The following COMT variants were observed in gnomAD, a reference collection of about 807,000 sequenced individuals.
The protein encoded by COMT is catechol-O-methyltransferase.
Under a neutral mutation model 18.9 loss-of-function variants are expected in COMT, and 13 were observed. That is an observed-to-expected ratio of 0.69 (90% CI 0.45 to 1.09). The LOEUF (loss-of-function observed/expected upper bound fraction) is 1.09. Among genes scored for constraint, COMT ranks in the 50% least tolerant of loss-of-function variants. The probability of loss-of-function intolerance (pLI) is 0.00; values close to 1 mark genes in which losing one functional copy is unlikely to be tolerated. For missense variants in COMT, 329 were observed against 361.8 expected, an observed-to-expected ratio of 0.91 and a Z score of 0.73; for synonymous variants, 150 against 160.9, an observed-to-expected ratio of 0.93 and a Z score of 0.51.
chr22:19,959,866 G>T (rs9606196), intron 1 of COMT, among the ~76,000 whole-genome samples: 73 of 28,992 alleles, frequency 2.5e-3, no homozygotes, highest in Admixed American at 4.8e-3. Flanking sequence ...CACTTCCCCA[G>T]CCCCCATGGC....
In COMT at chr22:19,962,790, G is replaced by A. The variant is rs1221732999; in HGVS notation, c.264G>A (p.Trp88Ter). The part of the protein sequence containing the change: ...AIDTYCEQKE[W>*]AMNVGDKKGK... The stretch of plus-strand genomic sequence containing the variant: ...ACACCTACTGCGAGCAGAAGGAGTG[G>A]GCCATGAACGTGGGCGACAAGAAAG... Residue 88 changes from tryptophan to a stop codon, truncating the protein, a stop_gained, in exon 3 of 6, where the codon TGG becomes TGA. Transcript: ENST00000361682. LOFTEE classifies it high-confidence loss of function. 2 of 1,606,460 alleles carry A rather than the reference G, an allele frequency of 1.2e-6. No homozygotes were observed. The highest frequency in any genetic ancestry group is 2.2e-5 in the East Asian group (1 of 44,684).
chr22:19,965,433 T>G (rs1304474471), intron 5 of COMT: 2 of 152,184 alleles, frequency 1.3e-5, no homozygotes, highest in Non-Finnish European at 2.9e-5. Context: ...CCTCCACCTC[T>G]TGGGTTCAAG....
chr22:19,945,159 C>G (rs1192984832), intron 1 of COMT, among the ~76,000 whole-genome samples: 1 of 152,182 alleles, frequency 6.6e-6, no homozygotes, highest in Non-Finnish European at 1.5e-5. Context: ...AACTTCCAAC[C>G]AGACTTCACC....
At chr22:19,959,718 C>T (rs1011140008) in intron 1 of COMT, among the ~76,000 whole-genome samples, 1 of 152,254 alleles carries the variant, frequency 6.6e-6, no homozygotes, top group Admixed American at 6.5e-5. Flanking sequence ...GTGAGGTGGC[C>T]GTGGGCACTG....
chr22:19,968,084 AC>A (rs1443762626), intron 5 of COMT, among the ~76,000 whole-genome samples: 1 of 152,068 alleles, frequency 6.6e-6, no homozygotes, highest in Non-Finnish European at 1.5e-5. Flanking sequence ...GGTCTGCCCC[AC>A]CTCAGCCCTG....
intron 5 of COMT, among the ~76,000 whole-genome samples, chr22:19,968,005 G>A (rs1362887867): frequency 1.3e-5 from 2 of 152,322 alleles, no homozygotes; most frequent in Admixed American, 1.3e-4. Flanking sequence ...GGTGAAGATG[G>A]GGGGTCTGCA....
intron 1 of COMT, among the ~76,000 whole-genome samples, chr22:19,945,726 C>T (rs1020591609): frequency 6.6e-6 from 1 of 152,180 alleles, no homozygotes; most frequent in Middle Eastern, 3.4e-3. Flanking sequence ...AGTGCAGTGG[C>T]GTGATCTCAG....
In COMT at chr22:19,962,536, GC is replaced by G; in HGVS notation, c.14del (p.Pro5ArgfsTer22). ...CCCTCCCGCCCTGCAGATGCCGGAG[GC>G]CCCGCCTCTGCTGTTGGCAGCTGTG... MPE[A>X]PPLLLAAVLL... is the part of the protein sequence containing the mutation. On this transcript the variant is annotated frameshift_variant, in exon 3 of 6. Coordinates refer to ENST00000361682, the MANE Select transcript of COMT (RefSeq NM_000754.4). LOFTEE classifies it high-confidence loss of function. 6.5e-7 allele frequency: 1 copy of G among 1,545,616 alleles called. No individual in the cohort carries two copies.
chr22:19,955,052 A>G (rs1186838583), intron 1 of COMT, among the ~76,000 whole-genome samples: 4 of 152,096 alleles, frequency 2.6e-5, no homozygotes, highest in Admixed American at 1.3e-4. Flanking sequence ...GTCGCCCAGG[A>G]TGGACGACAT....
At chr22:19,966,661 A>C (rs900621122) in intron 5 of COMT, among the ~76,000 whole-genome samples, 1 of 152,048 alleles carries the variant, frequency 6.6e-6, no homozygotes, top group African/African-American at 2.4e-5. Flanking sequence ...GACTGGTCTC[A>C]AACTCCTGGC....
At chr22:19,963,027 AC>A (rs1942236543) in intron 3 of COMT, among the ~76,000 whole-genome samples, 1 of 152,088 alleles carries the variant, frequency 6.6e-6, no homozygotes, top group Admixed American at 6.5e-5. Flanking sequence ...CCCCAGGACA[AC>A]AGGCCCCCAC....
intron 1 of COMT, among the ~76,000 whole-genome samples, chr22:19,954,034 G>A (rs1268228630): frequency 6.6e-6 from 1 of 152,200 alleles, no homozygotes; most frequent in Non-Finnish European, 1.5e-5. Context: ...GGATGGCCCA[G>A]CTGGCCCCCT....
intron 1 of COMT, among the ~76,000 whole-genome samples, chr22:19,956,188 A>G (rs1156672638): frequency 9.0e-6 from 1 of 110,870 alleles, no homozygotes; most frequent in East Asian, 2.8e-4. Flanking sequence ...TCTGCTGCCC[A>G]GGCTGGAGTG....
intron 5 of COMT, among the ~76,000 whole-genome samples, chr22:19,966,377 G>A (rs895425888): frequency 2.0e-5 from 3 of 151,194 alleles, no homozygotes; most frequent in East Asian, 1.9e-4. Context: ...CCTCTCCACC[G>A]GGCTGCTGTA....
chr22:19,964,363 G>A, intron 5 of COMT, 64 bp downstream of exon 5: 2 of 1,611,584 alleles, frequency 1.2e-6, no homozygotes, highest in African/African-American at 1.3e-5. Context: ...GTCAGCCTCA[G>A]CCTCTCCAAA....
intron 1 of COMT, among the ~76,000 whole-genome samples, chr22:19,959,607 G>T (rs1221379757): frequency 6.6e-6 from 1 of 152,242 alleles, no homozygotes; most frequent in Admixed American, 6.5e-5. Flanking sequence ...CCAGGGCTCT[G>T]TTGGTGGCCC....
At position 19,962,860 on chromosome 22, in the gene COMT, A is replaced by T. The variant is rs1942231296; in HGVS notation, c.289+45A>T. 5 of 1,571,990 alleles carry T rather than the reference A, an allele frequency of 3.2e-6. No individual in the cohort carries two copies. The Middle Eastern group carries it at 8.6e-4, about 271-fold the overall frequency. On this transcript the variant is annotated intron_variant, in intron 3 of 5. Transcript: ENST00000361682. ...GTGCTCAGCTCTGGGACAGGGACCC[A>T]GGACCAGGCATCAAAGCCCTTACAG...
At chr22:19,964,106 A>G (rs1942275166) in intron 4 of COMT, 62 bp from the exon 5 acceptor site, 2 of 1,613,480 alleles carry the variant, frequency 1.2e-6, no homozygotes, top group African/African-American at 1.3e-5. Context: ...GCGCTGTTGT[A>G]TAGGTGTGTA....
At chr22:19,946,180 T>G (rs539181989) in intron 1 of COMT, among the ~76,000 whole-genome samples, 4 of 152,092 alleles carry the variant, frequency 2.6e-5, no homozygotes, top group African/African-American at 9.6e-5. Flanking sequence ...AGTCATGTGA[T>G]CTCAAAGTTA....
Sources: gnomAD v4.1 joint callset for allele counts (sites outside exome capture counted in the v4.1 genomes callset) on GRCh38, gnomAD v4.1.1 for gene constraint, MANE v1.5 for transcripts, NCBI Gene and HGNC (gene_info 2026-07-23, HGNC 2026-07-21) for gene names.